Variants in TMEM117 observed in about 807,000 individuals in gnomAD.
TMEM117 encodes the protein transmembrane protein 117.
Under a neutral mutation model 52.4 loss-of-function variants are expected in TMEM117, and 27 were observed. The observed-to-expected ratio is 0.51, with a 90% confidence interval of 0.38 to 0.71. TMEM117 has a LOEUF of 0.71. Among genes scored for constraint, TMEM117 ranks in the 30% least tolerant of loss-of-function variants. TMEM117 has a pLI of 0.00. For missense variants in TMEM117, 556 were observed against 630.5 expected (o/e 0.88, Z 1.26); for synonymous variants, 215 against 206.3 (o/e 1.04, Z -0.36).
chr12:44,270,575 C>T (rs1285683869), intron 5 of TMEM117, among the ~76,000 whole-genome samples: 2 of 152,076 alleles, frequency 1.3e-5, no homozygotes, highest in African/African-American at 2.4e-5. Context: ...GACAGTTTTA[C>T]TTCCTCTTTA....
chr12:43,862,291 C>T (rs570635122), intron 2 of TMEM117, among the ~76,000 whole-genome samples: 14 of 152,278 alleles, frequency 9.2e-5, no homozygotes, highest in South Asian at 4.1e-4. Flanking sequence ...GCCTCAGCCA[C>T]GGGAGTAGAT....
At chr12:43,983,836 G>C (rs1431373690) in intron 3 of TMEM117, among the ~76,000 whole-genome samples, 1 of 151,470 alleles carries the variant, frequency 6.6e-6, no homozygotes, top group Admixed American at 6.6e-5. Context: ...CAGTCTATGG[G>C]ACTCAACAAG....
intron 3 of TMEM117, among the ~76,000 whole-genome samples, chr12:44,098,903 GT>G (rs1228082390): frequency 1.3e-5 from 2 of 152,074 alleles, no homozygotes; most frequent in Non-Finnish European, 2.9e-5. Flanking sequence ...GTTCCCTTGT[GT>G]CATTTCTTGA....
chr12:44,208,733 T>A (rs1000969083), intron 4 of TMEM117, among the ~76,000 whole-genome samples: 8 of 148,770 alleles, frequency 5.4e-5, no homozygotes, highest in Non-Finnish European at 1.2e-4. Context: ...ATGTTTTTTT[T>A]TTTTTTTTTT....
intron 3 of TMEM117, among the ~76,000 whole-genome samples, chr12:43,993,976 T>C (rs771797741): frequency 2.6e-5 from 4 of 152,168 alleles, no homozygotes; most frequent in Admixed American, 1.3e-4. Flanking sequence ...ATTATGGGTG[T>C]GAGCAACTGT....
chr12:44,283,348 A>G (rs992273485), intron 5 of TMEM117, among the ~76,000 whole-genome samples: 16 of 152,134 alleles, frequency 1.1e-4, no homozygotes, highest in South Asian at 2.1e-4. Flanking sequence ...ACGCCAGCCC[A>G]TGAAAGCAGC....
intron 6 of TMEM117, among the ~76,000 whole-genome samples, chr12:44,312,325 A>G (rs1397382629): frequency 1.3e-5 from 2 of 151,852 alleles, no homozygotes; most frequent in Non-Finnish European, 2.9e-5. Context: ...TATGTACCCA[A>G]TGTTTAGCTC....
chr12:43,969,354 A>C (rs1945539147), intron 3 of TMEM117, among the ~76,000 whole-genome samples: 1 of 110,994 alleles, frequency 9.0e-6, no homozygotes, highest in Non-Finnish European at 1.9e-5. Context: ...CCCCGTCTCT[A>C]CTAAAAAAAA....
chr12:43,950,757 T>G (rs960297269), intron 3 of TMEM117, among the ~76,000 whole-genome samples: 8 of 152,166 alleles, frequency 5.3e-5, no homozygotes, highest in African/African-American at 1.4e-4. Flanking sequence ...TTCCTCAGTA[T>G]TTTGGCTTTG....
chr12:44,085,794 A>G (rs542157641), intron 3 of TMEM117, among the ~76,000 whole-genome samples: 1 of 152,232 alleles, frequency 6.6e-6, no homozygotes. Context: ...ACTGAACATA[A>G]CAATTACAAA....
chr12:44,241,109 A>G (rs1417127873), intron 5 of TMEM117, among the ~76,000 whole-genome samples: 2 of 151,892 alleles, frequency 1.3e-5, no homozygotes, highest in Non-Finnish European at 2.9e-5. Flanking sequence ...CCTCCCTTAC[A>G]CTCTGAATCA....
At chr12:43,956,382 C>T (rs1170994403) in intron 3 of TMEM117, among the ~76,000 whole-genome samples, 1 of 151,118 alleles carries the variant, frequency 6.6e-6, no homozygotes, top group African/African-American at 2.4e-5. Flanking sequence ...AAAATCTTTG[C>T]AATCTATCCA....
Position 43,861,732 on chromosome 12 carries a change from GAT to G in TMEM117, c.277+16807_277+16808del, listed in dbSNP as rs1265550531. Among the ~76,000 whole-genome samples, 19 of 152,196 alleles carry G rather than the reference GAT, an allele frequency of 1.2e-4. 1 individual carries two copies. Among genetic ancestry groups the G allele is most frequent in the Admixed American group, 5.9e-4 (9 of 15,282 alleles). ...AGAGACGTTATACATTCATTCGAGA[GAT>G]ATTTCTAGTGTGCCTTTTATGTGGG... On this transcript the variant is annotated intron_variant, in intron 2 of 7. Transcript: ENST00000266534.
intron 6 of TMEM117, among the ~76,000 whole-genome samples, chr12:44,362,447 CA>C (rs1483857943): frequency 6.6e-6 from 1 of 152,080 alleles, no homozygotes. Context: ...CCCATGAGGA[CA>C]GAGCCTAGAG....
intron 2 of TMEM117, among the ~76,000 whole-genome samples, chr12:43,939,848 A>G: frequency 6.6e-6 from 1 of 152,230 alleles, no homozygotes; most frequent in East Asian, 1.9e-4. Context: ...TTAATTCCAC[A>G]TGGCTGGGAA....
intron 3 of TMEM117, among the ~76,000 whole-genome samples, chr12:44,043,035 T>A (rs1946827258): frequency 6.6e-6 from 1 of 152,126 alleles, no homozygotes; most frequent in South Asian, 2.1e-4. Flanking sequence ...TTATGCAAAA[T>A]AAATGCATTT....
At position 43,908,147 on chromosome 12, in the gene TMEM117, C is replaced by A. The variant is rs1407271953; in HGVS notation, c.278-36063C>A. 6.2e-5 allele frequency among the ~76,000 whole-genome samples: 4 copies of A among 64,484 alleles called. 1 individual carries two copies. Among genetic ancestry groups the A allele is most frequent in the Non-Finnish European group, 2.0e-4 (4 of 19,800 alleles). The allele number at this position is 64,484 out of a possible 152,430, so 42.3% of individuals were successfully genotyped here. On this transcript the variant is annotated intron_variant, in intron 2 of 7. Transcript: ENST00000266534. The stretch of plus-strand genomic sequence containing the variant: ...AGCCCATCAGACTAACAGCGGATCT[C>A]TCGGCAGAAACTCTACAAGCCAGAA...
chr12:44,157,761 C>G (rs1308681321), intron 4 of TMEM117, among the ~76,000 whole-genome samples: 1 of 152,068 alleles, frequency 6.6e-6, no homozygotes, highest in Admixed American at 6.6e-5. Flanking sequence ...GTTAGGTATA[C>G]TTTTCAAAAG....
chr12:44,090,401 TA>T (rs112693332), intron 3 of TMEM117, among the ~76,000 whole-genome samples: 1,518 of 25,440 alleles, frequency 0.06, 29 homozygotes, highest in East Asian at 0.29. Flanking sequence ...TCTTACTTTT[TA>T]TTTATTTATT....
Sources: gnomAD v4.1 joint callset for allele counts (sites outside exome capture counted in the v4.1 genomes callset) on GRCh38, gnomAD v4.1.1 for gene constraint, MANE v1.5 for transcripts, NCBI Gene and HGNC (gene_info 2026-07-23, HGNC 2026-07-21) for gene names.